The following NBEA variants were observed in gnomAD, a reference collection of about 807,000 sequenced individuals.
NBEA encodes the protein lysosomal-trafficking regulator 2.
In NBEA, 44 loss-of-function variants were observed where a neutral mutation model predicts 343.4. The ratio of observed to expected loss-of-function variants is 0.13; its 90% CI spans 0.10 to 0.16. NBEA has a LOEUF of 0.16. NBEA is among the 10% of genes least tolerant of loss of function. The probability of loss-of-function intolerance (pLI) is 1.00; values close to 1 mark genes in which losing one functional copy is unlikely to be tolerated. For synonymous variants in NBEA, 1,175 were observed against 1,238.7 expected, an observed-to-expected ratio of 0.95 and a Z score of 1.08; for missense variants, 2,555 against 3,631.3, an observed-to-expected ratio of 0.70 and a Z score of 7.62.
chr13:35,251,596 C>G, intron 34 of NBEA: 1 of 1,225,454 alleles, frequency 8.2e-7, no homozygotes, highest in South Asian at 1.5e-5. Flanking sequence ...GGAAGCCAAA[C>G]AGGTAGCTCA....
intron 39 of NBEA, among the ~76,000 whole-genome samples, chr13:35,450,622 G>C (rs1194548644): frequency 1.3e-5 from 2 of 152,126 alleles, no homozygotes; most frequent in Non-Finnish European, 2.9e-5. Context: ...CATTTGGAGA[G>C]CCATTGTTTA....
At chr13:35,285,094 T>C (rs2035333032) in intron 34 of NBEA, among the ~76,000 whole-genome samples, 1 of 152,168 alleles carries the variant, frequency 6.6e-6, no homozygotes, top group African/African-American at 2.4e-5. Context: ...GAAATGAAAG[T>C]ATTTCAGTGC....
intron 45 of NBEA, among the ~76,000 whole-genome samples, chr13:35,581,824 G>A (rs2081055026): frequency 6.9e-6 from 1 of 144,966 alleles, no homozygotes; most frequent in African/African-American, 2.6e-5. Context: ...CATGGCACAT[G>A]TATACATATG....
intron 53 of NBEA, among the ~76,000 whole-genome samples, chr13:35,652,437 G>A (rs905575487): frequency 5.3e-5 from 8 of 150,938 alleles, no homozygotes; most frequent in Admixed American, 1.3e-4. Context: ...TCAGGAGATC[G>A]AGACCATCCT....
At chr13:35,652,787 C>T (rs1433011922) in intron 53 of NBEA, among the ~76,000 whole-genome samples, 1 of 145,334 alleles carries the variant, frequency 6.9e-6, no homozygotes, top group South Asian at 2.3e-4. Flanking sequence ...CTCCGCCTCC[C>T]GGGTTCACGC....
chr13:35,557,632 A>T (rs1160241431), intron 44 of NBEA, among the ~76,000 whole-genome samples: 1 of 152,164 alleles, frequency 6.6e-6, no homozygotes, highest in Non-Finnish European at 1.5e-5. Context: ...TATTATGACT[A>T]AACATGAAAG....
chr13:34,983,919 G>A (rs1458122267), intron 1 of NBEA, among the ~76,000 whole-genome samples: 9 of 152,054 alleles, frequency 5.9e-5, no homozygotes, highest in African/African-American at 1.4e-4. Context: ...TGGATATAAG[G>A]CCTTTGTCAG....
intron 1 of NBEA, among the ~76,000 whole-genome samples, chr13:35,031,737 C>T (rs1449936413): frequency 6.6e-6 from 1 of 151,486 alleles, no homozygotes; most frequent in African/African-American, 2.4e-5. Context: ...ATTATTTAAT[C>T]ACTCGGTTAT....
chr13:35,134,126 C>A (rs1447055946), intron 17 of NBEA, among the ~76,000 whole-genome samples: 1 of 151,850 alleles, frequency 6.6e-6, no homozygotes, highest in African/African-American at 2.4e-5. Flanking sequence ...AGTTCATAAA[C>A]CTGAAAACAT....
chr13:35,343,309 T>G (rs1453941844), intron 36 of NBEA, among the ~76,000 whole-genome samples: 1 of 152,080 alleles, frequency 6.6e-6, no homozygotes, highest in Non-Finnish European at 1.5e-5. Context: ...GTGGAAGATT[T>G]CAACACTCCT....
intron 34 of NBEA, among the ~76,000 whole-genome samples, chr13:35,236,841 A>G (rs2075263038): frequency 6.6e-6 from 1 of 151,602 alleles, no homozygotes; most frequent in African/African-American, 2.4e-5. Context: ...TAATGTCATG[A>G]CTTATGTGCT....
At chr13:35,381,873 G>A (rs1368872403) in intron 38 of NBEA, among the ~76,000 whole-genome samples, 1 of 152,026 alleles carries the variant, frequency 6.6e-6, no homozygotes, top group Non-Finnish European at 1.5e-5. Flanking sequence ...TTATACCGGT[G>A]TTGCTTTATA....
rs760492646 is a variant in NBEA at position 35,583,880 on chromosome 13, T to C, written c.7036-18T>C. The C allele has an allele frequency of 3.8e-6, 6 of 1,580,200 alleles. No individual in the cohort carries two copies. The highest frequency in any genetic ancestry group is 3.4e-5 in the South Asian group (3 of 87,540). On this transcript the variant is annotated intron_variant, in intron 45 of 58. Coordinates refer to ENST00000379939, the MANE Select transcript of NBEA (RefSeq NM_001385012.1). The stretch of plus-strand genomic sequence containing the variant: ...TAATATGACTGTATTAAACAAAATA[T>C]TTTTTTTCTTTTAATAGCCAATTGG...
Position 35,651,831 on chromosome 13 carries a change from T to G in NBEA, c.7990T>G (p.Leu2664Val). The part of the protein sequence containing the change: ...VGLRGAPGYS[L>V]DQAHHLPIEM... ...CCTCAGAGGAGCTCCAGGATACTCC[T>G]TGGATCAAGCCCACCATCTTCCCAT... Residue 2664 changes from leucine (L) to valine (V), a missense_variant, in exon 53 of 59, where the codon TTG becomes GTG. Leu to Val is a conservative substitution (Grantham distance 32, BLOSUM62 1). This residue lies in a region of NBEA where 61 missense variants were observed against 132.1 expected (regional missense o/e 0.46). Coordinates refer to ENST00000379939, the MANE Select transcript of NBEA (RefSeq NM_001385012.1). The G allele has an allele frequency of 2.6e-6, 4 of 1,545,526 alleles. No homozygotes were observed. The highest frequency in any genetic ancestry group is 3.5e-6 in the Non-Finnish European group (4 of 1,141,386).
chr13:35,047,087 T>A (rs1001655404), intron 4 of NBEA, among the ~76,000 whole-genome samples: 3 of 152,118 alleles, frequency 2.0e-5, no homozygotes, highest in African/African-American at 7.2e-5. Context: ...AAAAGTTATA[T>A]ATTATTTGAT....
At chr13:35,619,398 G>C (rs956729013) in intron 48 of NBEA, among the ~76,000 whole-genome samples, 1 of 152,066 alleles carries the variant, frequency 6.6e-6, no homozygotes, top group Non-Finnish European at 1.5e-5. Flanking sequence ...GTAGCAGGCT[G>C]GACAGGAGAC....
intron 37 of NBEA, among the ~76,000 whole-genome samples, chr13:35,351,586 G>A (rs1224112889): frequency 2.0e-5 from 3 of 151,754 alleles, no homozygotes; most frequent in African/African-American, 7.3e-5. Context: ...AGAATATGGA[G>A]GGATCATAGA....
chr13:35,159,985 G>A lies in NBEA; in HGVS notation c.3814G>A (p.Glu1272Lys). 6.3e-7 allele frequency: 1 copy of A among 1,592,220 alleles called. No individual in the cohort carries two copies. Residue 1272 changes from glutamate (E) to lysine (K), a missense_variant, in exon 22 of 59, where the codon GAA (glutamate) becomes AAA (lysine). Coordinates refer to ENST00000379939, the MANE Select transcript of NBEA (RefSeq NM_001385012.1). ...TACTGAAAGGTCTGACGATGGCAAA[G>A]AATCAGGAAAAGAAATCCGAAAAAT... ...SDTERSDDGKESGKEIRKIQT... is the reference protein window; with the variant it reads ...SDTERSDDGKKSGKEIRKIQT...
chr13:35,506,998 G>A (rs1284258528), intron 41 of NBEA, among the ~76,000 whole-genome samples: 2 of 152,010 alleles, frequency 1.3e-5, no homozygotes, highest in Non-Finnish European at 2.9e-5. Context: ...CCCCCTTAAA[G>A]CTATCTCCAA....
Sources: allele counts gnomAD v4.1 joint callset (sites outside exome capture counted in the v4.1 genomes callset), GRCh38; gene constraint gnomAD v4.1.1; regional missense constraint gnomAD v4.1.1; transcripts MANE v1.5; gene names NCBI Gene and HGNC (gene_info 2026-07-23, HGNC 2026-07-21).